Variants in DENND5A observed in about 807,000 individuals in gnomAD.
DENND5A encodes DENN domain containing 5A.
A neutral mutation model predicts 140.3 loss-of-function variants in DENND5A; 64 were observed. The observed-to-expected ratio is 0.46, with a 90% CI of 0.37 to 0.56. The LOEUF (loss-of-function observed/expected upper bound fraction) is 0.56, where lower values mean the gene tolerates loss of function less well. DENND5A is among the 20% of genes least tolerant of loss of function. DENND5A has a pLI of 0.00. For synonymous variants in DENND5A, 605 were observed against 607.7 expected (o/e 1.00, Z 0.07); for missense variants, 1,292 against 1,593.8 (o/e 0.81, Z 3.22).
intron 1 of DENND5A, among the ~76,000 whole-genome samples, chr11:9,221,248 T>C (rs1254198660): frequency 6.7e-6 from 1 of 149,072 alleles, no homozygotes; most frequent in East Asian, 2.1e-4. Flanking sequence ...CTGGCCAACA[T>C]GGTGAAACCC....
intron 5 of DENND5A, among the ~76,000 whole-genome samples, chr11:9,181,736 C>A (rs1017496725): frequency 2.3e-4 from 35 of 152,092 alleles, no homozygotes; most frequent in African/African-American, 8.0e-4. Context: ...GAGACTCTGT[C>A]TCAAAAAATA....
intron 10 of DENND5A, among the ~76,000 whole-genome samples, chr11:9,169,489 A>G (rs950209845): frequency 1.0e-5 from 1 of 96,256 alleles, no homozygotes; most frequent in African/African-American, 4.0e-5. Context: ...TTTCCTATAT[A>G]CACACGCACA....
At chr11:9,247,195 A>G (rs1385602440) in intron 1 of DENND5A, among the ~76,000 whole-genome samples, 1 of 148,420 alleles carries the variant, frequency 6.7e-6, no homozygotes, top group Non-Finnish European at 1.5e-5. Flanking sequence ...GTGCCACTGC[A>G]CTCCAGCCTG....
intron 17 of DENND5A, 27 bp downstream of exon 17, chr11:9,145,643 A>T: frequency 6.2e-7 from 1 of 1,613,626 alleles, no homozygotes; most frequent in Non-Finnish European, 8.5e-7. Flanking sequence ...AGATCCCCAC[A>T]GAGCTGTGGC....
chr11:9,156,579 A>T (rs1452970342), intron 12 of DENND5A, among the ~76,000 whole-genome samples: 1 of 151,208 alleles, frequency 6.6e-6, no homozygotes, highest in Non-Finnish European at 1.5e-5. Flanking sequence ...GTGAGCCAAG[A>T]TCGCGCCATT....
intron 1 of DENND5A, among the ~76,000 whole-genome samples, chr11:9,241,724 T>C (rs1226126374): frequency 6.6e-6 from 1 of 152,112 alleles, no homozygotes; most frequent in Non-Finnish European, 1.5e-5. Flanking sequence ...CTATTAAAAG[T>C]ACAACATCAG....
At chr11:9,206,853 G>T in intron 2 of DENND5A, 71 bp from the exon 3 acceptor site, 3 of 1,127,072 alleles carry the variant, frequency 2.7e-6, no homozygotes, top group South Asian at 2.5e-5. Context: ...AAATGTCTGA[G>T]CTTGGTAGTC....
intron 11 of DENND5A, among the ~76,000 whole-genome samples, chr11:9,162,180 T>C (rs2136141845): frequency 6.6e-6 from 1 of 150,828 alleles, no homozygotes; most frequent in East Asian, 1.9e-4. Context: ...TTGTGAAATA[T>C]ATAATATATA....
chr11:9,147,082 C>T lies in DENND5A; in HGVS notation c.2805G>A (p.Leu935=). The T allele has an allele frequency of 6.2e-7, 1 of 1,614,134 alleles. No homozygotes were observed. Among genetic ancestry groups the T allele is most frequent in the Non-Finnish European group, 8.5e-7 (1 of 1,179,972 alleles). The change falls in exon 16 of 23, where the codon CTG becomes CTA. Residue 935 remains leucine (L), a synonymous_variant. Coordinates refer to ENST00000328194, the MANE Select transcript of DENND5A (RefSeq NM_015213.4). The part of the protein sequence containing the change: ...DEKEQFLYHL[L]SFNAVDYFCF... ...AAAAGTAATCGACGGCATTGAAAGA[C>T]AGGAGGTGATAGAGGAACTGCTCCT... is the stretch of plus-strand genomic sequence containing the variant.
intron 1 of DENND5A, among the ~76,000 whole-genome samples, chr11:9,260,110 A>C (rs1288746039): frequency 6.6e-6 from 1 of 150,940 alleles, no homozygotes; most frequent in Non-Finnish European, 1.5e-5. Flanking sequence ...CACACTGGCC[A>C]GTTTCCCATC....
chr11:9,262,578 C>T (rs1358061145), intron 1 of DENND5A, among the ~76,000 whole-genome samples: 1 of 152,112 alleles, frequency 6.6e-6, no homozygotes, highest in South Asian at 2.1e-4. Flanking sequence ...TCATTTTCCC[C>T]TCTGAGGTCC....
chr11:9,160,963 C>G (rs1472615425), intron 11 of DENND5A, 98 bp from the exon 12 acceptor site: 11 of 1,221,466 alleles, frequency 9.0e-6, no homozygotes, highest in South Asian at 1.4e-5. Context: ...ATCTGTTGGG[C>G]TGGGAAGGAC....
At chr11:9,238,921 T>C (rs1337562418) in intron 1 of DENND5A, among the ~76,000 whole-genome samples, 1 of 150,968 alleles carries the variant, frequency 6.6e-6, no homozygotes, top group Non-Finnish European at 1.5e-5. Flanking sequence ...AATTTCCGCC[T>C]CCTGGGTTCA....
At chr11:9,147,622 T>C (rs1247830902) in intron 15 of DENND5A, among the ~76,000 whole-genome samples, 1 of 152,154 alleles carries the variant, frequency 6.6e-6, no homozygotes, top group Non-Finnish European at 1.5e-5. Flanking sequence ...CTGCTCTGAA[T>C]GGGGGTATAA....
intron 4 of DENND5A, among the ~76,000 whole-genome samples, chr11:9,202,200 C>T (rs1057431415): frequency 2.0e-5 from 3 of 152,084 alleles, no homozygotes; most frequent in Non-Finnish European, 4.4e-5. Flanking sequence ...AAGACAAAAG[C>T]TGAGAAACTC....
chr11:9,147,759 C>T (rs777880793), intron 15 of DENND5A, among the ~76,000 whole-genome samples: 1 of 152,226 alleles, frequency 6.6e-6, no homozygotes, highest in Non-Finnish European at 1.5e-5. Flanking sequence ...CCTTCATTTT[C>T]ACTGCCTATT....
chr11:9,181,609 G>A (rs1038787635), intron 5 of DENND5A, among the ~76,000 whole-genome samples: 1 of 152,102 alleles, frequency 6.6e-6, no homozygotes, highest in African/African-American at 2.4e-5. Context: ...ATGGTGGCAT[G>A]CACCTACAGT....
intron 1 of DENND5A, among the ~76,000 whole-genome samples, chr11:9,237,352 G>C (rs1851046902): frequency 6.6e-6 from 1 of 151,972 alleles, no homozygotes; most frequent in Admixed American, 6.6e-5. Flanking sequence ...AACCCAGGAG[G>C]CAGAGGTTGC....
At chr11:9,253,884 G>A (rs372060284) in intron 1 of DENND5A, among the ~76,000 whole-genome samples, 4 of 151,776 alleles carry the variant, frequency 2.6e-5, no homozygotes, top group East Asian at 3.9e-4. Context: ...AACAATGGGC[G>A]CAGTGGCTCA....
Sources: gnomAD v4.1 joint callset for allele counts (sites outside exome capture counted in the v4.1 genomes callset) on GRCh38, gnomAD v4.1.1 for gene constraint, MANE v1.5 for transcripts, NCBI Gene and HGNC (gene_info 2026-07-23, HGNC 2026-07-21) for gene names.